ARHGAP8: variants seen among roughly 807,000 people sequenced by gnomAD.
ARHGAP8 encodes the protein Rho GTPase activating protein 8.
Under a neutral mutation model 46.1 loss-of-function variants are expected in ARHGAP8, and 62 were observed. The observed-to-expected ratio is 1.34, with a 90% CI of 1.10 to 1.66. The LOEUF is 1.66. ARHGAP8 is among the 40% of genes most tolerant of loss of function. The pLI, the probability that ARHGAP8 is intolerant of heterozygous loss-of-function variation, is 0.00. For synonymous variants in ARHGAP8, 375 were observed against 243.1 expected, an observed-to-expected ratio of 1.54 and a Z score of -5.05; for missense variants, 923 against 568.4, an observed-to-expected ratio of 1.62 and a Z score of -6.34.
chr22:44,857,966 C>G (rs538812281), intron 10 of ARHGAP8, among the ~76,000 whole-genome samples: 2 of 151,166 alleles, frequency 1.3e-5, no homozygotes, highest in Admixed American at 6.6e-5. Context: ...GTGACCTGCA[C>G]CAGTACCCAC....
intron 2 of ARHGAP8, among the ~76,000 whole-genome samples, chr22:44,800,438 C>T (rs950905329): frequency 1.3e-5 from 2 of 152,170 alleles, no homozygotes; most frequent in Non-Finnish European, 2.9e-5. Flanking sequence ...AAGCGCCTGG[C>T]CCGGAGCCTG....
At chr22:44,815,605 A>AT (rs965284855) in intron 5 of ARHGAP8, among the ~76,000 whole-genome samples, 1 of 151,716 alleles carries the variant, frequency 6.6e-6, no homozygotes, top group African/African-American at 2.4e-5. Context: ...CCTTGATTGC[A>AT]TAGCAACCCA....
intron 10 of ARHGAP8, among the ~76,000 whole-genome samples, chr22:44,855,998 G>A (rs562574429): frequency 1.1e-3 from 175 of 152,280 alleles, no homozygotes; most frequent in Middle Eastern, 3.4e-3. Context: ...CTCACGCAGT[G>A]CGAGTGGGAG....
At chr22:44,758,576 T>C (rs1924873578) in intron 1 of ARHGAP8, among the ~76,000 whole-genome samples, 1 of 151,162 alleles carries the variant, frequency 6.6e-6, no homozygotes, top group African/African-American at 2.4e-5. Flanking sequence ...AAACCATCTG[T>C]GGCTCACTTA....
At chr22:44,808,902 C>T (rs965309219) in intron 4 of ARHGAP8, 10 of 363,898 alleles carry the variant, frequency 2.7e-5, no homozygotes, top group Non-Finnish European at 4.9e-5. Context: ...ACTGCAGCCT[C>T]GGCCTCCTGG....
intron 3 of ARHGAP8, among the ~76,000 whole-genome samples, chr22:44,807,133 A>C (rs1462840402): frequency 1.3e-5 from 2 of 152,122 alleles, no homozygotes; most frequent in African/African-American, 4.8e-5. Flanking sequence ...CCACAGCCTC[A>C]GAGAGTGGGG....
At chr22:44,835,642 T>C (rs1230088190) in intron 7 of ARHGAP8, among the ~76,000 whole-genome samples, 1 of 152,082 alleles carries the variant, frequency 6.6e-6, no homozygotes, top group African/African-American at 2.4e-5. Flanking sequence ...GATTGGGGAC[T>C]TGCAAACTCT....
chr22:44,797,475 AACTCCC>A (rs1004179211), intron 2 of ARHGAP8, among the ~76,000 whole-genome samples: 1 of 152,144 alleles, frequency 6.6e-6, no homozygotes, highest in Non-Finnish European at 1.5e-5. Context: ...TGTGCCTGAA[AACTCCC>A]ACTTGGCAAG....
At chr22:44,821,714 G>A (rs73892303) in intron 5 of ARHGAP8, among the ~76,000 whole-genome samples, 3,076 of 152,272 alleles carry the variant, frequency 0.02, 100 homozygotes, top group African/African-American at 0.07. Flanking sequence ...ATTGTCTTCC[G>A]CCCTCACTTA....
At chr22:44,801,941 T>A in intron 2 of ARHGAP8, 136 bp from the exon 3 acceptor site, 1 of 885,408 alleles carries the variant, frequency 1.1e-6, no homozygotes, top group Non-Finnish European at 1.8e-6. Flanking sequence ...ACTCAGCAGG[T>A]GTCGCCTCCG....
intron 1 of ARHGAP8, among the ~76,000 whole-genome samples, chr22:44,756,712 G>GT (rs1419449203): frequency 6.6e-6 from 1 of 151,240 alleles, no homozygotes; most frequent in Non-Finnish European, 1.5e-5. Context: ...CATAAATACT[G>GT]TAAGTTGAAT....
intron 5 of ARHGAP8, among the ~76,000 whole-genome samples, chr22:44,821,154 A>T (rs117316964): frequency 6.6e-6 from 1 of 152,188 alleles, no homozygotes; most frequent in African/African-American, 2.4e-5. Context: ...TATCTTGGCC[A>T]GGCACGGTGG....
At chr22:44,824,927 C>T (rs1049362134) in intron 6 of ARHGAP8, among the ~76,000 whole-genome samples, 11 of 151,936 alleles carry the variant, frequency 7.2e-5, no homozygotes, top group Admixed American at 5.2e-4. Context: ...GCCACCGTGC[C>T]GAGCACAGAG....
intron 8 of ARHGAP8, among the ~76,000 whole-genome samples, chr22:44,846,490 C>T (rs1475044198): frequency 2.0e-5 from 3 of 152,196 alleles, no homozygotes; most frequent in Non-Finnish European, 1.5e-5. Flanking sequence ...TCCCTCAAAC[C>T]CCAGACCCTG....
At chr22:44,858,470 C>G (rs1176663757) in intron 10 of ARHGAP8, among the ~76,000 whole-genome samples, 1 of 148,414 alleles carries the variant, frequency 6.7e-6, no homozygotes, top group African/African-American at 2.5e-5. Flanking sequence ...TGAGTTCAAG[C>G]AATTCTCCAG....
intron 5 of ARHGAP8, among the ~76,000 whole-genome samples, chr22:44,819,991 C>G (rs1930014402): frequency 6.6e-6 from 1 of 152,200 alleles, no homozygotes; most frequent in African/African-American, 2.4e-5. Flanking sequence ...CTCCGCAGCC[C>G]ATTGCCTGTG....
rs376929629 is a variant in ARHGAP8 at position 44,847,025 on chromosome 22, G to A, written c.671-948G>A. ...CTCGTGGCTGTGGGAGTGCGGGAGC[G>A]TGCGGGGCTTCGAGGAAGTTGGGAG... On this transcript the variant is annotated intron_variant, in intron 8 of 11. Transcript: ENST00000356099. Among the ~76,000 whole-genome samples, 9 of 152,210 alleles carry A rather than the reference G, an allele frequency of 5.9e-5. No individual in the cohort carries two copies. The East Asian group carries it at 9.6e-4, about 16-fold the overall frequency.
chr22:44,822,487 C>A lies in ARHGAP8; in HGVS notation c.485+18C>A. The A allele has an allele frequency of 6.6e-7, 1 of 1,522,632 alleles. No individual in the cohort carries two copies. The highest frequency in any genetic ancestry group is 1.3e-5 in the South Asian group (1 of 75,478). The allele number at this position is 1,522,632 out of a possible 1,614,324, so 94.3% of individuals were successfully genotyped here. Reference sequence around the variant, plus strand: ...GTTTTGCGGTAAGTGCCTGTTAGACCCCAGAAGCCGCATCAATACATCTTC... The same window carrying A: ...GTTTTGCGGTAAGTGCCTGTTAGACACCAGAAGCCGCATCAATACATCTTC... On this transcript the variant is annotated intron_variant, in intron 6 of 11. Coordinates refer to ENST00000356099, the MANE Select transcript of ARHGAP8 (RefSeq NM_181335.3).
intron 1 of ARHGAP8, among the ~76,000 whole-genome samples, chr22:44,771,548 T>A (rs1178903812): frequency 7.2e-6 from 1 of 139,854 alleles, no homozygotes; most frequent in Non-Finnish European, 1.5e-5. Context: ...TGCCTGGCTT[T>A]TTTTTTATTT....
Sources: allele counts gnomAD v4.1 joint callset (sites outside exome capture counted in the v4.1 genomes callset), GRCh38; gene constraint gnomAD v4.1.1; transcripts MANE v1.5; gene names NCBI Gene and HGNC (gene_info 2026-07-23, HGNC 2026-07-21).